SLC8A1: variants seen among roughly 807,000 people sequenced by gnomAD.
SLC8A1 encodes sodium/calcium exchanger 1.
In SLC8A1, 18 loss-of-function variants were observed where a neutral mutation model predicts 68.3. That is an observed-to-expected ratio of 0.26 (90% CI 0.18 to 0.39). The LOEUF (loss-of-function observed/expected upper bound fraction) is 0.39, where lower values mean the gene tolerates loss of function less well. Among genes scored for constraint, SLC8A1 ranks in the 10% least tolerant of loss-of-function variants. The pLI, the probability that SLC8A1 is intolerant of heterozygous loss-of-function variation, is 1.00. For missense variants in SLC8A1, 985 were observed against 1,156.7 expected, an observed-to-expected ratio of 0.85 and a Z score of 2.15; for synonymous variants, 475 against 415.5, an observed-to-expected ratio of 1.14 and a Z score of -1.74.
intron 2 of SLC8A1, among the ~76,000 whole-genome samples, chr2:40,282,212 C>A (rs964029636): frequency 1.3e-5 from 2 of 151,992 alleles, no homozygotes; most frequent in African/African-American, 2.4e-5. Flanking sequence ...TTAACTAAAT[C>A]TGAAAGAAAA....
At chr2:40,128,122 G>C (rs1315642862) in intron 7 of SLC8A1, among the ~76,000 whole-genome samples, 1 of 152,212 alleles carries the variant, frequency 6.6e-6, no homozygotes, top group Admixed American at 6.5e-5. Flanking sequence ...TAAATGCCAA[G>C]CACCATGATT....
At chr2:40,355,936 C>T (rs1276025814) in intron 2 of SLC8A1, among the ~76,000 whole-genome samples, 3 of 152,142 alleles carry the variant, frequency 2.0e-5, no homozygotes, top group Admixed American at 6.6e-5. Flanking sequence ...CTGCTTTGCC[C>T]CTTGGCCCCT....
At chr2:40,362,045 C>T (rs933958276) in intron 2 of SLC8A1, among the ~76,000 whole-genome samples, 4 of 151,320 alleles carry the variant, frequency 2.6e-5, no homozygotes, top group Admixed American at 2.0e-4. Flanking sequence ...CAGGCATGCA[C>T]CACCATGCCC....
At chr2:40,251,714 G>A (rs1280072958) in intron 2 of SLC8A1, 1 of 152,172 alleles carries the variant, frequency 6.6e-6, no homozygotes, top group Non-Finnish European at 1.5e-5. Flanking sequence ...CTGGGAGAGA[G>A]GGTCAACAGC....
chr2:40,383,690 A>G (rs10182686), intron 2 of SLC8A1, among the ~76,000 whole-genome samples: 61,137 of 151,984 alleles, frequency 0.4, 12,885 homozygotes, highest in Non-Finnish European at 0.46. Context: ...TTAAATATTA[A>G]GTAGTTGTCA....
intron 2 of SLC8A1, among the ~76,000 whole-genome samples, chr2:40,312,885 C>T (rs1041038056): frequency 3.3e-5 from 5 of 151,898 alleles, no homozygotes; most frequent in African/African-American, 1.2e-4. Context: ...TTTGATGTAT[C>T]ACTGACATAT....
At chr2:40,204,808 TTC>T (rs2055077011) in intron 2 of SLC8A1, among the ~76,000 whole-genome samples, 1 of 152,032 alleles carries the variant, frequency 6.6e-6, no homozygotes, top group Admixed American at 6.6e-5. Flanking sequence ...GATTTTTATA[TTC>T]TTTTTTTCAT....
intron 7 of SLC8A1, among the ~76,000 whole-genome samples, chr2:40,117,981 A>T (rs73927113): frequency 6.6e-6 from 1 of 152,214 alleles, no homozygotes. Flanking sequence ...CTGAAGGCCT[A>T]TCATCAATTC....
At chr2:40,309,502 C>CTTTTTTTTTT (rs34863585) in intron 2 of SLC8A1, among the ~76,000 whole-genome samples, 2 of 123,290 alleles carry the variant, frequency 1.6e-5, no homozygotes, top group Non-Finnish European at 3.4e-5. Context: ...GAATATTTTA[C>CTTTTTTTTTT]TTTTTTTTTT....
intron 6 of SLC8A1, among the ~76,000 whole-genome samples, chr2:40,148,240 T>C (rs1221109458): frequency 1.3e-5 from 2 of 152,224 alleles, no homozygotes; most frequent in Non-Finnish European, 2.9e-5. Context: ...GGAATTTTAT[T>C]TAAAAAAATG....
At chr2:40,118,960 C>T (rs905558192) in intron 7 of SLC8A1, among the ~76,000 whole-genome samples, 9 of 152,028 alleles carry the variant, frequency 5.9e-5, no homozygotes, top group African/African-American at 2.2e-4. Context: ...TTCTAGATGG[C>T]ACCTTTGCTG....
chr2:40,106,011 A>G (rs2034174037), exon 8 of SLC8A1: 1 of 152,190 alleles, frequency 6.6e-6, no homozygotes, highest in Non-Finnish European at 1.5e-5. Flanking sequence ...AATGAATCCC[A>G]TGTCTCAATA....
chr2:40,203,049 A>G (rs1388500996), intron 2 of SLC8A1, among the ~76,000 whole-genome samples: 2 of 151,994 alleles, frequency 1.3e-5, no homozygotes, highest in Non-Finnish European at 2.9e-5. Context: ...AGACAACAAC[A>G]TGGGATTGTT....
intron 2 of SLC8A1, among the ~76,000 whole-genome samples, chr2:40,270,003 A>T (rs1269067693): frequency 1.3e-5 from 2 of 152,124 alleles, no homozygotes; most frequent in Non-Finnish European, 2.9e-5. Context: ...CTTAATTAAG[A>T]TAATCAAAAT....
chr2:40,200,142 C>T (rs1170963728), intron 2 of SLC8A1, among the ~76,000 whole-genome samples: 1 of 103,552 alleles, frequency 9.7e-6, no homozygotes, highest in East Asian at 3.1e-4. Flanking sequence ...ATCTATGTGT[C>T]TCTGCAGCAC....
chr2:40,238,247 A>G (rs1038163251), intron 2 of SLC8A1, among the ~76,000 whole-genome samples: 1 of 152,174 alleles, frequency 6.6e-6, no homozygotes, highest in African/African-American at 2.4e-5. Context: ...CTGTGCTAGC[A>G]ATCAGTGAGA....
At chr2:40,206,672 G>A (rs1276855707) in intron 2 of SLC8A1, among the ~76,000 whole-genome samples, 1 of 151,970 alleles carries the variant, frequency 6.6e-6, no homozygotes, top group Non-Finnish European at 1.5e-5. Context: ...AGCAGAATGA[G>A]CTTTAGGCCT....
At chr2:40,377,188 A>C (rs1398125886) in intron 2 of SLC8A1, among the ~76,000 whole-genome samples, 1 of 152,140 alleles carries the variant, frequency 6.6e-6, no homozygotes, top group Non-Finnish European at 1.5e-5. Context: ...AAGAGGGTCC[A>C]GGGCTTCACT....
intron 6 of SLC8A1, among the ~76,000 whole-genome samples, chr2:40,152,730 G>A (rs1264508584): frequency 6.6e-6 from 1 of 151,956 alleles, no homozygotes; most frequent in Non-Finnish European, 1.5e-5. Context: ...CTGCAGTTTT[G>A]AATAAGATGG....
Sources: allele counts gnomAD v4.1 joint callset (sites outside exome capture counted in the v4.1 genomes callset), GRCh38; gene constraint gnomAD v4.1.1; transcripts MANE v1.5; gene names NCBI Gene and HGNC (gene_info 2026-07-23, HGNC 2026-07-21).